The following SGK3 variants were observed in gnomAD, a reference collection of about 807,000 sequenced individuals.
The protein encoded by SGK3 is serine/threonine-protein kinase Sgk3.
SGK3 carries 47 observed loss-of-function variants against 68.5 expected under a neutral mutation model. The observed-to-expected ratio is 0.69, with a 90% confidence interval of 0.54 to 0.87. SGK3 has a LOEUF of 0.87. SGK3 is among the 40% of genes least tolerant of loss of function. SGK3 has a pLI of 0.00. For synonymous variants in SGK3, 181 were observed against 189.1 expected, an observed-to-expected ratio of 0.96 and a Z score of 0.35; for missense variants, 479 against 575.5, an observed-to-expected ratio of 0.83 and a Z score of 1.72.
chr8:66,731,859 A>G (rs999142250), intron 1 of SGK3, among the ~76,000 whole-genome samples: 3 of 152,012 alleles, frequency 2.0e-5, no homozygotes, highest in Admixed American at 6.6e-5. Context: ...AATGTAACTT[A>G]TGTTTAGTGG....
At chr8:66,762,523 A>G (rs1193550927) in intron 1 of SGK3, among the ~76,000 whole-genome samples, 6 of 152,176 alleles carry the variant, frequency 3.9e-5, no homozygotes, top group Admixed American at 3.9e-4. Flanking sequence ...CTCAAAAAAC[A>G]AAACCAAAAA....
At chr8:66,717,751 T>A (rs1250480721) in intron 1 of SGK3, among the ~76,000 whole-genome samples, 1 of 151,896 alleles carries the variant, frequency 6.6e-6, no homozygotes, top group Non-Finnish European at 1.5e-5. Flanking sequence ...TTGCCCGGGC[T>A]GGAGTGCAGT....
chr8:66,811,468 T>A (rs1230453130), intron 4 of SGK3, among the ~76,000 whole-genome samples: 1 of 152,210 alleles, frequency 6.6e-6, no homozygotes, highest in South Asian at 2.1e-4. Context: ...ATCCTATACA[T>A]TATAGTCTTA....
intron 10 of SGK3, among the ~76,000 whole-genome samples, chr8:66,838,555 A>G (rs1350498013): frequency 1.3e-5 from 2 of 152,166 alleles, no homozygotes; most frequent in Non-Finnish European, 2.9e-5. Context: ...GTGAGATACC[A>G]CTGCGAGCTC....
At chr8:66,718,900 A>G (rs1210912273) in intron 1 of SGK3, among the ~76,000 whole-genome samples, 3 of 152,132 alleles carry the variant, frequency 2.0e-5, no homozygotes, top group Non-Finnish European at 2.9e-5. Context: ...GAGAAAATGC[A>G]TGCATCTTTC....
intron 1 of SGK3, among the ~76,000 whole-genome samples, chr8:66,791,579 A>G (rs1311500316): frequency 6.6e-6 from 1 of 152,158 alleles, no homozygotes. Context: ...TTAATGTGCT[A>G]TCTTACTGTC....
intron 1 of SGK3, among the ~76,000 whole-genome samples, chr8:66,779,756 A>G (rs1359674184): frequency 6.6e-6 from 1 of 150,640 alleles, no homozygotes; most frequent in African/African-American, 2.4e-5. Context: ...TTTACTAATA[A>G]CATAGCCACT....
chr8:66,731,484 A>G (rs894766205), intron 1 of SGK3, among the ~76,000 whole-genome samples: 1 of 152,194 alleles, frequency 6.6e-6, no homozygotes, highest in Non-Finnish European at 1.5e-5. Flanking sequence ...AAATTTGAAA[A>G]TTATTTACTT....
At chr8:66,773,162 C>T (rs1253358181) in intron 1 of SGK3, among the ~76,000 whole-genome samples, 2 of 152,118 alleles carry the variant, frequency 1.3e-5, no homozygotes, top group African/African-American at 2.4e-5. Context: ...ATTGAGGAGA[C>T]AGTCTGTCCA....
intron 1 of SGK3, among the ~76,000 whole-genome samples, chr8:66,766,962 C>T (rs1322308993): frequency 1.3e-5 from 2 of 152,212 alleles, no homozygotes; most frequent in Non-Finnish European, 2.9e-5. Context: ...AGCAATTCTG[C>T]CTCACCCTCC....
intron 3 of SGK3, among the ~76,000 whole-genome samples, chr8:66,801,220 A>T (rs1807930859): frequency 6.6e-6 from 1 of 152,224 alleles, no homozygotes; most frequent in African/African-American, 2.4e-5. Flanking sequence ...CTGAAATCTG[A>T]AACGCCCCAG....
At chr8:66,745,436 T>C (rs1805625127) in intron 1 of SGK3, among the ~76,000 whole-genome samples, 1 of 151,846 alleles carries the variant, frequency 6.6e-6, no homozygotes, top group Admixed American at 6.6e-5. Flanking sequence ...TAGCCAGGTG[T>C]GGTGGCGGGC....
intron 4 of SGK3, among the ~76,000 whole-genome samples, chr8:66,805,817 A>G (rs2130616870): frequency 6.6e-6 from 1 of 152,348 alleles, no homozygotes; most frequent in South Asian, 2.1e-4. Context: ...GGTTAAACTG[A>G]TAATACCTCA....
intron 1 of SGK3, among the ~76,000 whole-genome samples, chr8:66,743,307 CT>C (rs1563604949): frequency 6.6e-6 from 1 of 152,140 alleles, no homozygotes; most frequent in East Asian, 1.9e-4. Context: ...ATGTAAAATG[CT>C]TCTGGCTTAT....
rs78362879 is a variant in SGK3 at position 66,851,531 on chromosome 8, T to TA, written c.1320+624dup. On this transcript the variant is annotated intron_variant, in intron 16 of 16. Transcript: ENST00000521198. ...GCGAGACCCTGTCTCAAAATAAAAT[T>TA]AAAAAAAAAAAAACAGGTATAGACA... 5.3e-3 allele frequency among the ~76,000 whole-genome samples: 722 copies of TA among 136,692 alleles called. 6 individuals are homozygous for TA. Among genetic ancestry groups the TA allele is most frequent in the African/African-American group, 0.015 (567 of 37,616 alleles). 89.7% of individuals were successfully genotyped at this position (136,692 alleles called of 152,430 possible).
At chr8:66,778,408 T>C (rs1359563922) in intron 1 of SGK3, among the ~76,000 whole-genome samples, 1 of 152,234 alleles carries the variant, frequency 6.6e-6, no homozygotes, top group Non-Finnish European at 1.5e-5. Flanking sequence ...GCCATTCTCC[T>C]GCCTCAGAAT....
chr8:66,814,015 A>G (rs904392190), intron 5 of SGK3, 87 bp downstream of exon 5: 9 of 1,147,278 alleles, frequency 7.8e-6, no homozygotes, highest in African/African-American at 3.2e-5. Flanking sequence ...TGTTTGTTCT[A>G]TGAAATGTTA....
intron 1 of SGK3, among the ~76,000 whole-genome samples, chr8:66,735,067 T>A (rs189723062): frequency 6.6e-6 from 1 of 152,336 alleles, no homozygotes; most frequent in African/African-American, 2.4e-5. Context: ...TTATTGTTAA[T>A]CTTTTACTGT....
At chr8:66,741,736 T>G (rs74526350) in intron 1 of SGK3, among the ~76,000 whole-genome samples, 4,578 of 152,104 alleles carry the variant, frequency 0.03, 240 homozygotes, top group African/African-American at 0.1. Flanking sequence ...AAAAAGAAAA[T>G]TATATGTTGG....
Sources: allele counts gnomAD v4.1 joint callset (sites outside exome capture counted in the v4.1 genomes callset), GRCh38; gene constraint gnomAD v4.1.1; transcripts MANE v1.5; gene names NCBI Gene and HGNC (gene_info 2026-07-23, HGNC 2026-07-21).